The following TSHZ2 variants were observed in gnomAD, a reference collection of about 807,000 sequenced individuals.
The protein encoded by TSHZ2 is teashirt zinc finger homeobox 2, also known as teashirt homolog 2.
A neutral mutation model predicts 74.4 loss-of-function variants in TSHZ2; 21 were observed. The ratio of observed to expected loss-of-function variants is 0.28; its 90% CI spans 0.20 to 0.41. The LOEUF is 0.41. Ranked by LOEUF, TSHZ2 falls within the 10% of genes least tolerant of loss-of-function variation. TSHZ2 has a pLI of 1.00. For missense variants in TSHZ2, 1,244 were observed against 1,293.5 expected, an observed-to-expected ratio of 0.96 and a Z score of 0.59; for synonymous variants, 540 against 515.3, an observed-to-expected ratio of 1.05 and a Z score of -0.65.
chr20:53,174,273 A>T (rs1988271801), intron 1 of TSHZ2, among the ~76,000 whole-genome samples: 1 of 152,198 alleles, frequency 6.6e-6, no homozygotes, highest in Non-Finnish European at 1.5e-5. Context: ...ATTTAAATCT[A>T]TGAAGAATAA....
rs1990399517 is a variant in TSHZ2, at chr20:53,254,085, C to T, written c.627C>T (p.Phe209=). ...GCAGCAAGATGTGCGGGACTGTGTT[C>T]ACAGGGGCCAGCAGATTCCGATGCC... ...RQSSKMCGTV[F]TGASRFRCRQ... The change falls in exon 2 of 3, where the codon TTC becomes TTT. Residue 209 remains phenylalanine, a synonymous_variant. Transcript: ENST00000371497. 1 of 1,613,974 alleles carries T rather than the reference C, an allele frequency of 6.2e-7. No homozygotes were observed.
intron 2 of TSHZ2, among the ~76,000 whole-genome samples, chr20:53,406,984 C>T (rs1982876055): frequency 1.3e-5 from 2 of 152,192 alleles, no homozygotes; most frequent in Admixed American, 1.3e-4. Context: ...AACTCAGCCC[C>T]ACTTCAGGGT....
intron 1 of TSHZ2, among the ~76,000 whole-genome samples, chr20:53,084,947 C>A (rs962890597): frequency 1.3e-5 from 2 of 152,046 alleles, no homozygotes; most frequent in Non-Finnish European, 2.9e-5. Context: ...AGGCCTATTT[C>A]AAGCCATGTA....
At chr20:53,289,741 A>G (rs948830451) in intron 2 of TSHZ2, among the ~76,000 whole-genome samples, 1 of 152,196 alleles carries the variant, frequency 6.6e-6, no homozygotes, top group Admixed American at 6.5e-5. Flanking sequence ...AGACATGCAA[A>G]TATCTGGGAA....
At position 53,461,222 on chromosome 20, in the gene TSHZ2, G is replaced by T. The variant is rs868775662; in HGVS notation, c.*9-25922G>T. On this transcript the variant is annotated intron_variant, in intron 2 of 2. Transcript: ENST00000371497. Reference sequence around the variant, plus strand: ...CATGGGCGTAGGACCCTCCGAGCCAGGTGCGGGATATAATCTCCTGGTGCG... The same window carrying T: ...CATGGGCGTAGGACCCTCCGAGCCATGTGCGGGATATAATCTCCTGGTGCG... Among the ~76,000 whole-genome samples, 468 of 151,584 alleles carry T rather than the reference G, an allele frequency of 3.1e-3. 1 individual carries two copies. Among genetic ancestry groups the T allele is most frequent in the African/African-American group, 0.01 (432 of 41,312 alleles).
chr20:53,139,313 C>A (rs555608946), intron 1 of TSHZ2, among the ~76,000 whole-genome samples: 3 of 152,316 alleles, frequency 2.0e-5, no homozygotes, highest in Admixed American at 6.5e-5. Context: ...TTGTTATTTC[C>A]TGAATAAATG....
intron 2 of TSHZ2, among the ~76,000 whole-genome samples, chr20:53,481,430 C>T (rs779741591): frequency 2.6e-5 from 4 of 151,778 alleles, no homozygotes; most frequent in African/African-American, 4.8e-5. Flanking sequence ...AAAAATTAGC[C>T]GGATGTCCTG....
At chr20:53,305,666 C>G (rs902814650) in intron 2 of TSHZ2, among the ~76,000 whole-genome samples, 7 of 152,204 alleles carry the variant, frequency 4.6e-5, no homozygotes, top group Admixed American at 1.3e-4. Flanking sequence ...TTCTGGGCAC[C>G]ACGGATGTAC....
At chr20:53,198,607 C>T (rs898993714) in intron 1 of TSHZ2, among the ~76,000 whole-genome samples, 7 of 151,966 alleles carry the variant, frequency 4.6e-5, no homozygotes, top group South Asian at 2.1e-4. Flanking sequence ...AAGCTTTTAC[C>T]TTCTTGATTT....
intron 2 of TSHZ2, among the ~76,000 whole-genome samples, chr20:53,447,377 C>G (rs74809445): frequency 1.3e-5 from 2 of 152,154 alleles, no homozygotes; most frequent in Admixed American, 1.3e-4. Context: ...TTTTTTACAC[C>G]TTTTATTTTG....
rs10653039 is a variant in TSHZ2 at position 53,160,745 on chromosome 20, C to CAAAAAAAAAAAAA, written c.41-92748_41-92736dup. On this transcript the variant is annotated intron_variant, in intron 1 of 2. Coordinates refer to ENST00000371497, the MANE Select transcript of TSHZ2 (RefSeq NM_173485.6). ...GGGTGACAGGGCAAGACTCTGTCTCCAAAAAAAAAAAAAAAAAAGACATTT... is the reference window on the plus strand; with the variant it reads ...GGGTGACAGGGCAAGACTCTGTCTCCAAAAAAAAAAAAAAAAAAAAAAAAAAAAAAAGACATTT... Among the ~76,000 whole-genome samples the CAAAAAAAAAAAAA allele has an allele frequency of 5.2e-3, 499 of 95,774 alleles. 29 individuals carry two copies. The highest frequency in any genetic ancestry group is 0.02 in the African/African-American group (478 of 23,612). 62.8% of individuals were successfully genotyped at this position (95,774 alleles called of 152,430 possible).
intron 2 of TSHZ2, among the ~76,000 whole-genome samples, chr20:53,421,895 A>G (rs1274429277): frequency 6.6e-6 from 1 of 151,480 alleles, no homozygotes; most frequent in East Asian, 1.9e-4. Context: ...GTTAGCCAGG[A>G]TGGTCTCGAT....
chr20:53,317,893 C>A (rs1181788306), intron 2 of TSHZ2, among the ~76,000 whole-genome samples: 1 of 152,196 alleles, frequency 6.6e-6, no homozygotes, highest in Non-Finnish European at 1.5e-5. Flanking sequence ...TTTGGGTCAG[C>A]CCCTGTGCTG....
chr20:53,180,934 A>G (rs1394987839), intron 1 of TSHZ2, among the ~76,000 whole-genome samples: 1 of 152,132 alleles, frequency 6.6e-6, no homozygotes, highest in Non-Finnish European at 1.5e-5. Flanking sequence ...ACGATCTCAT[A>G]TCCAGACCGT....
chr20:53,185,812 T>C lies in TSHZ2; in HGVS notation c.41-67687T>C, dbSNP rs929173934. On this transcript the variant is annotated intron_variant, in intron 1 of 2. Transcript: ENST00000371497. Reference sequence around the variant, plus strand: ...ATTAATAATCCCTTGCTTGTATCAGTAATTTAATTGAGTTTTTAAATGATA... The same window carrying C: ...ATTAATAATCCCTTGCTTGTATCAGCAATTTAATTGAGTTTTTAAATGATA... 4 of 1,138,984 alleles carry C rather than the reference T, an allele frequency of 3.5e-6. No homozygotes were observed. In the African/African-American group the frequency reaches 6.3e-5, roughly 18 times the overall value. 70.6% of individuals were successfully genotyped at this position (1,138,984 alleles called of 1,614,324 possible). A position where few individuals can be genotyped will look rare whatever the true frequency, so the allele number is the denominator to read the frequency against.
intron 1 of TSHZ2, chr20:53,178,495 TA>T (rs1988396963): frequency 6.6e-6 from 1 of 152,256 alleles, no homozygotes; most frequent in African/African-American, 2.4e-5. Context: ...CTGTCCATTG[TA>T]AAACATGCTG....
intron 2 of TSHZ2, among the ~76,000 whole-genome samples, chr20:53,467,689 A>C (rs899137573): frequency 2.0e-5 from 3 of 152,230 alleles, no homozygotes; most frequent in African/African-American, 7.2e-5. Flanking sequence ...GGAAAATGGA[A>C]AGAGAATATC....
chr20:53,389,631 G>A (rs904128190), intron 2 of TSHZ2, among the ~76,000 whole-genome samples: 3 of 152,210 alleles, frequency 2.0e-5, no homozygotes, highest in African/African-American at 7.2e-5. Context: ...GTAGGCAGGT[G>A]GCCATGCTCT....
chr20:53,229,737 T>C (rs1010303827), intron 1 of TSHZ2, among the ~76,000 whole-genome samples: 85 of 141,568 alleles, frequency 6.0e-4, no homozygotes, highest in African/African-American at 2.1e-3. Context: ...GAAAGAAGTG[T>C]GGCTGACAGA....
Sources: gnomAD v4.1 joint callset for allele counts (sites outside exome capture counted in the v4.1 genomes callset) on GRCh38, gnomAD v4.1.1 for gene constraint, MANE v1.5 for transcripts, NCBI Gene and HGNC (gene_info 2026-07-23, HGNC 2026-07-21) for gene names.